The following KCNAB1 variants were observed in gnomAD, a reference collection of about 807,000 sequenced individuals.
The protein encoded by KCNAB1 is voltage-gated potassium channel subunit beta-1.
Under a neutral mutation model 64.6 loss-of-function variants are expected in KCNAB1, and 35 were observed. The ratio of observed to expected loss-of-function variants is 0.54; its 90% confidence interval spans 0.41 to 0.72. KCNAB1 has a LOEUF of 0.72. KCNAB1 is among the 30% of genes least tolerant of loss of function. The pLI is 0.00. For synonymous variants in KCNAB1, 177 were observed against 183.8 expected (o/e 0.96, Z 0.30); for missense variants, 401 against 512.9 (o/e 0.78, Z 2.11).
intron 1 of KCNAB1, among the ~76,000 whole-genome samples, chr3:156,223,005 G>T (rs1399481714): frequency 6.6e-6 from 1 of 152,352 alleles, no homozygotes; most frequent in East Asian, 1.9e-4. Flanking sequence ...GACAATCTGT[G>T]TCCGGAATTG....
chr3:156,255,388 G>C (rs1048335125), intron 1 of KCNAB1, among the ~76,000 whole-genome samples: 1 of 152,200 alleles, frequency 6.6e-6, no homozygotes, highest in Admixed American at 6.5e-5. Context: ...AACTGCTGTA[G>C]ACTGTGGTGT....
chr3:156,185,487 T>G (rs1426095367), intron 1 of KCNAB1, among the ~76,000 whole-genome samples: 1 of 152,190 alleles, frequency 6.6e-6, no homozygotes, highest in African/African-American at 2.4e-5. Flanking sequence ...AACATACAAA[T>G]GTATTTAATG....
chr3:156,470,243 C>T (rs1347732788), intron 7 of KCNAB1, among the ~76,000 whole-genome samples: 7 of 152,250 alleles, frequency 4.6e-5, no homozygotes, highest in Admixed American at 1.3e-4. Flanking sequence ...AGATTGATTA[C>T]ACTCATTTAG....
intron 1 of KCNAB1, among the ~76,000 whole-genome samples, chr3:156,184,334 T>C (rs1018568740): frequency 6.6e-6 from 1 of 152,218 alleles, no homozygotes; most frequent in Non-Finnish European, 1.5e-5. Flanking sequence ...TTGTAGCATC[T>C]CCAGGCTCCC....
At chr3:156,338,908 C>T (rs989242992) in intron 1 of KCNAB1, among the ~76,000 whole-genome samples, 1 of 152,190 alleles carries the variant, frequency 6.6e-6, no homozygotes, top group Non-Finnish European at 1.5e-5. Flanking sequence ...TGCTCCCAGT[C>T]ACCTGACCAC....
chr3:156,152,125 G>A (rs1715449326), intron 1 of KCNAB1, among the ~76,000 whole-genome samples: 2 of 152,282 alleles, frequency 1.3e-5, no homozygotes, highest in Middle Eastern at 3.4e-3. Flanking sequence ...GTTTTCTTCT[G>A]GAACTTTAGG....
intron 8 of KCNAB1, among the ~76,000 whole-genome samples, chr3:156,513,196 G>A (rs2108389093): frequency 6.6e-6 from 1 of 151,942 alleles, no homozygotes; most frequent in Non-Finnish European, 1.5e-5. Context: ...TGGGCCAAAG[G>A]GCAAGACTCC....
At chr3:156,120,518 T>G, upstream of KCNAB1, 2 of 1,390,486 alleles carry the variant, frequency 1.4e-6, no homozygotes, top group Admixed American at 1.8e-5. Flanking sequence ...AGAGGTGGAG[T>G]GGGCAGGGAC....
chr3:156,342,042 C>T lies in KCNAB1; in HGVS notation c.276-79574C>T, dbSNP rs202058697. 5.9e-5 allele frequency among the ~76,000 whole-genome samples: 9 copies of T among 152,302 alleles called. No individual in the cohort carries two copies. The East Asian group carries it at 1.7e-3, about 29-fold the overall frequency. ...CAGCTTCTCCTACCTCCTACACCAC[C>T]TCTATGTTCCCAGGTGAGCTTGTGC... On this transcript the variant is annotated intron_variant, in intron 1 of 13. Transcript: ENST00000490337.
chr3:156,172,320 C>G (rs990195241), intron 1 of KCNAB1, among the ~76,000 whole-genome samples: 2 of 141,534 alleles, frequency 1.4e-5, no homozygotes, highest in African/African-American at 5.2e-5. Context: ...TGCTTTGTTG[C>G]CCAGGCTGGA....
At chr3:156,391,436 G>A (rs1255566570) in intron 1 of KCNAB1, among the ~76,000 whole-genome samples, 1 of 152,062 alleles carries the variant, frequency 6.6e-6, no homozygotes, top group Non-Finnish European at 1.5e-5. Context: ...TGTTATTTTA[G>A]AAAATTTAGC....
At chr3:156,287,230 G>A (rs1312758343) in intron 1 of KCNAB1, among the ~76,000 whole-genome samples, 3 of 151,814 alleles carry the variant, frequency 2.0e-5, no homozygotes, top group Non-Finnish European at 4.4e-5. Flanking sequence ...ACCCAATATG[G>A]GAGACATTAA....
intron 8 of KCNAB1, among the ~76,000 whole-genome samples, chr3:156,501,173 G>A (rs1409277437): frequency 1.3e-5 from 2 of 152,064 alleles, no homozygotes; most frequent in Admixed American, 1.3e-4. Context: ...CTCCTCCTCG[G>A]GGAACTGCTA....
At chr3:156,151,612 C>T (rs1482677665) in intron 1 of KCNAB1, among the ~76,000 whole-genome samples, 1 of 152,218 alleles carries the variant, frequency 6.6e-6, no homozygotes. Flanking sequence ...CATGCTCTCA[C>T]ATGCTCACTC....
chr3:156,144,829 C>T (rs1714944880), intron 1 of KCNAB1, among the ~76,000 whole-genome samples: 1 of 152,168 alleles, frequency 6.6e-6, no homozygotes, highest in Non-Finnish European at 1.5e-5. Context: ...AGAGGGTATG[C>T]CTTTCTCTCT....
chr3:156,348,810 T>C (rs1724672048), intron 1 of KCNAB1, among the ~76,000 whole-genome samples: 1 of 152,184 alleles, frequency 6.6e-6, no homozygotes, highest in Non-Finnish European at 1.5e-5. Flanking sequence ...AGCCTCTATA[T>C]ATGGTACTCA....
At chr3:156,457,283 C>T (rs1712508359) in intron 3 of KCNAB1, 170 bp from the exon 4 acceptor site, 4 of 1,430,566 alleles carry the variant, frequency 2.8e-6, no homozygotes, top group Non-Finnish European at 3.7e-6. Context: ...ATACTTCTGT[C>T]CTATGGATAC....
rs192775247 is a variant in KCNAB1 at position 156,463,807 on chromosome 3, G to A, written c.527+61G>A. 11 of 1,358,764 alleles carry A rather than the reference G, an allele frequency of 8.1e-6. No individual in the cohort carries two copies. In the East Asian group the frequency reaches 2.4e-4, roughly 29 times the overall value. The allele number at this position is 1,358,764 out of a possible 1,614,324, so 84.2% of individuals were successfully genotyped here. On this transcript the variant is annotated intron_variant, in intron 6 of 13. Transcript: ENST00000490337. ...GTAGTTCATGCTTTTTTGCTGTTAGGCAGTTATTTTACATATAACGTACCA... is the reference window on the plus strand; with the variant it reads ...GTAGTTCATGCTTTTTTGCTGTTAGACAGTTATTTTACATATAACGTACCA...
chr3:156,426,795 A>T (rs1576850067), intron 2 of KCNAB1, among the ~76,000 whole-genome samples: 1 of 152,148 alleles, frequency 6.6e-6, no homozygotes, highest in South Asian at 2.1e-4. Context: ...ATGTCTTTTC[A>T]TAGTTTGATA....
Sources: gnomAD v4.1 joint callset for allele counts (sites outside exome capture counted in the v4.1 genomes callset) on GRCh38, gnomAD v4.1.1 for gene constraint, MANE v1.5 for transcripts, NCBI Gene and HGNC (gene_info 2026-07-23, HGNC 2026-07-21) for gene names.